The following NPAS3 variants were observed in gnomAD, a reference collection of about 807,000 sequenced individuals.
NPAS3 encodes the protein neuronal PAS domain protein 3, also known as neuronal PAS domain-containing protein 3.
In NPAS3, 14 loss-of-function variants were observed where a neutral mutation model predicts 73.1. The ratio of observed to expected loss-of-function variants is 0.19; its 90% confidence interval spans 0.13 to 0.30. The LOEUF (loss-of-function observed/expected upper bound fraction) is 0.30, where lower values mean the gene tolerates loss of function less well. NPAS3 is among the 10% of genes least tolerant of loss of function. The pLI is 1.00. For synonymous variants in NPAS3, 620 were observed against 541.5 expected (o/e 1.14, Z -2.01); for missense variants, 1,096 against 1,250.0 (o/e 0.88, Z 1.86).
At chr14:33,059,823 T>A (rs1481583241) in intron 2 of NPAS3, among the ~76,000 whole-genome samples, 1 of 152,252 alleles carries the variant, frequency 6.6e-6, no homozygotes, top group Non-Finnish European at 1.5e-5. Flanking sequence ...GTTTTTTATT[T>A]AGAGACAGGG....
chr14:33,495,403 A>T (rs1202273103), intron 4 of NPAS3, among the ~76,000 whole-genome samples: 1 of 152,094 alleles, frequency 6.6e-6, no homozygotes, highest in Non-Finnish European at 1.5e-5. Context: ...TTATGTGGTC[A>T]ATTTTAGAGT....
intron 2 of NPAS3, among the ~76,000 whole-genome samples, chr14:33,087,170 A>ATATAGTATACAATATTATATTGTATAC (rs2042058867): frequency 1.2e-5 from 1 of 84,866 alleles, no homozygotes; most frequent in Admixed American, 1.1e-4. Flanking sequence ...ATATTGTATA[A>ATATAGTATACAATATTATATTGTATAC]TATATAGTAT....
At chr14:33,588,015 T>C (rs539925882) in intron 5 of NPAS3, among the ~76,000 whole-genome samples, 27 of 152,358 alleles carry the variant, frequency 1.8e-4, no homozygotes, top group African/African-American at 5.5e-4. Flanking sequence ...ATTATCTGTC[T>C]TAGTCGAGTG....
chr14:33,560,696 C>T (rs2055603262), intron 5 of NPAS3, among the ~76,000 whole-genome samples: 1 of 152,150 alleles, frequency 6.6e-6, no homozygotes, highest in Non-Finnish European at 1.5e-5. Context: ...GCTGCCTTTG[C>T]AAATGCTTCC....
chr14:33,344,052 C>T (rs1002903187), intron 3 of NPAS3, among the ~76,000 whole-genome samples: 5 of 152,158 alleles, frequency 3.3e-5, no homozygotes, highest in Admixed American at 3.3e-4. Context: ...GTCATATTCC[C>T]ATACTTAGAG....
chr14:33,115,786 A>G (rs1358005808), intron 2 of NPAS3, among the ~76,000 whole-genome samples: 1 of 152,146 alleles, frequency 6.6e-6, no homozygotes, highest in African/African-American at 2.4e-5. Context: ...GTGGTTTATA[A>G]GAAAAACACA....
At chr14:33,349,954 G>A (rs1016165019) in intron 3 of NPAS3, among the ~76,000 whole-genome samples, 4 of 152,198 alleles carry the variant, frequency 2.6e-5, no homozygotes, top group Admixed American at 6.5e-5. Context: ...CTCACACTCC[G>A]CGTCCTCTGG....
chr14:33,075,475 G>GT (rs1360845370), intron 2 of NPAS3, among the ~76,000 whole-genome samples: 20 of 152,228 alleles, frequency 1.3e-4, no homozygotes, highest in African/African-American at 4.8e-4. Context: ...CATATGCTGC[G>GT]TTTTCTCTCT....
intron 5 of NPAS3, among the ~76,000 whole-genome samples, chr14:33,610,363 TCTC>T (rs1036535919): frequency 9.9e-5 from 15 of 152,188 alleles, no homozygotes; most frequent in African/African-American, 2.6e-4. Context: ...CTCTCCATCA[TCTC>T]CTCATTGTGC....
At chr14:33,523,167 T>C (rs905198095) in intron 4 of NPAS3, among the ~76,000 whole-genome samples, 5 of 152,006 alleles carry the variant, frequency 3.3e-5, no homozygotes, top group African/African-American at 1.2e-4. Context: ...CTAAAGTACA[T>C]TGGGATAGGT....
intron 7 of NPAS3, among the ~76,000 whole-genome samples, chr14:33,747,115 G>T (rs2061829698): frequency 6.6e-6 from 1 of 151,918 alleles, no homozygotes; most frequent in Non-Finnish European, 1.5e-5. Flanking sequence ...TATAAATCAT[G>T]CTGCTATAAA....
intron 1 of NPAS3, among the ~76,000 whole-genome samples, chr14:32,967,117 C>T (rs1049095847): frequency 2.6e-5 from 4 of 152,082 alleles, no homozygotes; most frequent in Non-Finnish European, 4.4e-5. Flanking sequence ...GATTTACTAC[C>T]ACCCCTGAGA....
At chr14:33,779,876 G>T (rs146359547) in intron 9 of NPAS3, among the ~76,000 whole-genome samples, 1 of 152,236 alleles carries the variant, frequency 6.6e-6, no homozygotes, top group Non-Finnish European at 1.5e-5. Context: ...ACAGCCTAAA[G>T]TTGAAGCATT....
chr14:33,481,006 C>T (rs908622922), intron 4 of NPAS3, among the ~76,000 whole-genome samples: 2 of 151,960 alleles, frequency 1.3e-5, no homozygotes, highest in East Asian at 3.9e-4. Flanking sequence ...CATGCGTCCC[C>T]GTTTATCAAG....
Position 33,645,929 on chromosome 14 carries a change from T to C in NPAS3, c.559-30282T>C, listed in dbSNP as rs559267185. Among the ~76,000 whole-genome samples, 85 of 152,344 alleles carry C rather than the reference T, an allele frequency of 5.6e-4. 1 individual carries two copies. The highest frequency in any genetic ancestry group is 2.0e-3 in the African/African-American group (82 of 41,572). ...TTGAGGGCCGTCACACCATGGGAGC[T>C]GGAAGCACAGCAGTAATGAAGAAAG... On this transcript the variant is annotated intron_variant, in intron 5 of 11. Coordinates refer to ENST00000356141, the Ensembl canonical transcript of NPAS3.
chr14:33,077,215 G>A lies in NPAS3; in HGVS notation c.140+21221G>A, dbSNP rs188590745. On this transcript the variant is annotated intron_variant, in intron 2 of 11. Transcript: ENST00000356141. ...GTGGGCTAGGAAGACCTAGAGGTGG[G>A]GTCAGGTTTGCAATTCAAAATGGGG... 3.9e-3 allele frequency among the ~76,000 whole-genome samples: 599 copies of A among 152,180 alleles called. 3 individuals are homozygous for A. Among genetic ancestry groups the A allele is most frequent in the Non-Finnish European group, 6.4e-3 (437 of 67,960 alleles).
intron 5 of NPAS3, among the ~76,000 whole-genome samples, chr14:33,640,014 T>C (rs2140176759): frequency 6.6e-6 from 1 of 152,144 alleles, no homozygotes; most frequent in South Asian, 2.1e-4. Context: ...GGCCAGGAGT[T>C]TGAGATCAGC....
chr14:33,587,350 G>A (rs1427153858), intron 5 of NPAS3, among the ~76,000 whole-genome samples: 1 of 152,094 alleles, frequency 6.6e-6, no homozygotes, highest in African/African-American at 2.4e-5. Context: ...CCTTAAGATG[G>A]CAGTCCAGTG....
chr14:33,142,191 C>CTTTTTTTTTTTTTTTTTT (rs10709910), intron 2 of NPAS3, among the ~76,000 whole-genome samples: 1 of 38,084 alleles, frequency 2.6e-5, no homozygotes, highest in Non-Finnish European at 4.4e-5. Context: ...TTTGTATAAG[C>CTTTTTTTTTTTTTTTTTT]TTTTTTTTTT....
Sources: gnomAD v4.1 joint callset for allele counts (sites outside exome capture counted in the v4.1 genomes callset) on GRCh38, gnomAD v4.1.1 for gene constraint, MANE v1.5 for transcripts, NCBI Gene and HGNC (gene_info 2026-07-23, HGNC 2026-07-21) for gene names.